The following SALL3 variants were observed in gnomAD, a reference collection of about 807,000 sequenced individuals.
The protein encoded by SALL3 is sal-like protein 3.
A neutral mutation model predicts 66.2 loss-of-function variants in SALL3; 25 were observed. The ratio of observed to expected loss-of-function variants is 0.38; its 90% CI spans 0.28 to 0.53. The LOEUF is 0.53. SALL3 is among the 20% of genes least tolerant of loss of function. The pLI is 0.85. For missense variants in SALL3, 2,194 were observed against 1,916.5 expected, an observed-to-expected ratio of 1.14 and a Z score of -2.70; for synonymous variants, 1,152 against 899.1, an observed-to-expected ratio of 1.28 and a Z score of -5.03.
rs776485395 is a variant in SALL3 at position 78,994,324 on chromosome 18, C to T, written c.2333C>T (p.Ala778Val). Residue 778 changes from alanine to valine, a missense_variant, in exon 2 of 3, where the codon GCC becomes GTC. Transcript: ENST00000537592. Reference protein sequence around the residue: ...NTPLPEGFQDAMDSELAYDDK... With the variant: ...NTPLPEGFQDVMDSELAYDDK... Reference sequence around the variant, plus strand: ...CCGCTGCCGGAGGGCTTCCAGGATGCCATGGACTCCGAGCTGGCCTACGAC... The same window carrying T: ...CCGCTGCCGGAGGGCTTCCAGGATGTCATGGACTCCGAGCTGGCCTACGAC... The T allele has an allele frequency of 1.2e-6, 2 of 1,613,626 alleles. No individual in the cohort carries two copies. Among genetic ancestry groups the T allele is most frequent in the Non-Finnish European group, 1.7e-6 (2 of 1,180,022 alleles).
chr18:78,992,220 C>T lies in SALL3; in HGVS notation c.229C>T (p.Pro77Ser), dbSNP rs1385401700. Residue 77 changes from proline (P) to serine (S), a missense_variant, in exon 2 of 3, where the codon CCG becomes TCG. Coordinates refer to ENST00000537592, the MANE Select transcript of SALL3 (RefSeq NM_171999.4). ...LEHQRSCTKL[P>S]PVLIVHEDAP... ...GCACCAGCGGAGCTGCACCAAGCTCCCGCCCGTGCTGATCGTGCACGAGGA... is the reference window on the plus strand; with the variant it reads ...GCACCAGCGGAGCTGCACCAAGCTCTCGCCCGTGCTGATCGTGCACGAGGA... 7 of 1,606,936 alleles carry T rather than the reference C, an allele frequency of 4.4e-6. No individual in the cohort carries two copies. The Admixed American group carries it at 6.7e-5, about 15-fold the overall frequency.
In SALL3 at chr18:78,997,442, C is replaced by T. The variant is rs1000736918; in HGVS notation, c.*120C>T. 6 of 1,030,516 alleles carry T rather than the reference C, an allele frequency of 5.8e-6. No individual in the cohort carries two copies. The highest frequency in any genetic ancestry group is 2.4e-5 in the Admixed American group (1 of 42,178). 63.8% of individuals were successfully genotyped at this position (1,030,516 alleles called of 1,614,324 possible). A position where few individuals can be genotyped will look rare whatever the true frequency, so the allele number is the denominator to read the frequency against. On this transcript the variant is annotated 3_prime_UTR_variant, in exon 3 of 3. Transcript: ENST00000537592. ...CACCCATAGCAGAAAACACTTTGTG[C>T]GGCTGCCGAGAGGTGGTCTTGTAAG...
intron 1 of SALL3, among the ~76,000 whole-genome samples, chr18:78,983,965 CAG>C (rs958195559): frequency 1.3e-5 from 2 of 152,052 alleles, no homozygotes; most frequent in Non-Finnish European, 2.9e-5. Flanking sequence ...TCCCAGCTTG[CAG>C]AGAGAGAGAG....
chr18:78,981,742 A>C (rs542461559), intron 1 of SALL3, among the ~76,000 whole-genome samples: 1 of 152,208 alleles, frequency 6.6e-6, no homozygotes. Flanking sequence ...ATTAAGGACA[A>C]AGAATCTTTT....
At chr18:78,996,670 G>A (rs888887054) in intron 2 of SALL3, among the ~76,000 whole-genome samples, 4 of 152,166 alleles carry the variant, frequency 2.6e-5, no homozygotes, top group Non-Finnish European at 5.9e-5. Context: ...CTGAAAGACC[G>A]CACTCATTAA....
chr18:78,995,372 C>A lies in SALL3; in HGVS notation c.3381C>A (p.Ala1127=). 1 of 1,583,104 alleles carries A rather than the reference C, an allele frequency of 6.3e-7. No homozygotes were observed. Among genetic ancestry groups the A allele is most frequent in the Non-Finnish European group, 8.5e-7 (1 of 1,172,536 alleles). ...SCGKTFSSAS[A]LQIHERTHTG... ...GGAAGACCTTCTCCTCGGCCAGCGC[C>A]CTGCAGATCCATGAGCGCACGCACA... is the stretch of plus-strand genomic sequence containing the variant. Residue 1127 remains alanine, a synonymous_variant, in exon 2 of 3, where the codon GCC becomes GCA. Coordinates refer to ENST00000537592, the MANE Select transcript of SALL3 (RefSeq NM_171999.4).
At position 78,992,834 on chromosome 18, in the gene SALL3, C is replaced by A. The variant is rs1914503077; in HGVS notation, c.843C>A (p.Ala281=). The part of the protein sequence containing the change: ...PAAAIAGSGP[A]APAAFEGAQP... ...CCGCCATCGCGGGCTCGGGCCCCGCCGCCCCGGCCGCCTTCGAGGGCGCGC... is the reference window on the plus strand; with the variant it reads ...CCGCCATCGCGGGCTCGGGCCCCGCAGCCCCGGCCGCCTTCGAGGGCGCGC... The change falls in exon 2 of 3, where the codon GCC becomes GCA. Residue 281 remains alanine (A), a synonymous_variant. Coordinates refer to ENST00000537592, the MANE Select transcript of SALL3 (RefSeq NM_171999.4). 6.1e-6 allele frequency: 6 copies of A among 980,156 alleles called. No homozygotes were observed. The highest frequency in any genetic ancestry group is 7.2e-6 in the Non-Finnish European group (6 of 828,166). The allele number at this position is 980,156 out of a possible 1,614,324, so 60.7% of individuals were successfully genotyped here.
chr18:78,980,443 C>G, intron 1 of SALL3, 87 bp downstream of exon 1: 1 of 794,250 alleles, frequency 1.3e-6, no homozygotes, highest in Non-Finnish European at 1.7e-6. Flanking sequence ...CGGATGCGCG[C>G]GTCCGGGAGC....
rs576440566 is a variant in SALL3, at chr18:78,998,926, A to G, written c.*1604A>G. The G allele has an allele frequency of 1.3e-5, 2 of 152,334 alleles. No homozygotes were observed. Among genetic ancestry groups the G allele is most frequent in the East Asian group, 3.9e-4 (2 of 5,176 alleles). The allele number at this position is 152,334 out of a possible 1,614,324, so 9.4% of individuals were successfully genotyped here. On this transcript the variant is annotated 3_prime_UTR_variant, in exon 3 of 3. Coordinates refer to ENST00000537592, the MANE Select transcript of SALL3 (RefSeq NM_171999.4). ...AACTACCTCATTTTCGTGCGTTGCA[A>G]GTGTGCTGGCGTCTGACACTATGAA...
intron 1 of SALL3, among the ~76,000 whole-genome samples, chr18:78,987,276 C>T (rs949067740): frequency 2.6e-5 from 4 of 152,116 alleles, no homozygotes; most frequent in East Asian, 3.8e-4. Context: ...TAAAGCTGAG[C>T]GAAGACCAAA....
rs923380206 is a variant in SALL3 at position 78,991,918 on chromosome 18, A to G, written c.83-156A>G. On this transcript the variant is annotated intron_variant, in intron 1 of 2. Transcript: ENST00000537592. ...GATTGGGCTAAGAAAATGATTAGCT[A>G]GCTAGAAAGAGTCATAGAATACGCA... is the stretch of plus-strand genomic sequence containing the variant. 7.7e-6 allele frequency: 4 copies of G among 518,102 alleles called. No homozygotes were observed. The East Asian group carries it at 1.0e-4, about 13-fold the overall frequency. 32.1% of individuals were successfully genotyped at this position (518,102 alleles called of 1,614,324 possible). A position where few individuals can be genotyped will look rare whatever the true frequency, so the allele number is the denominator to read the frequency against.
chr18:78,989,571 C>A (rs773143250), intron 1 of SALL3, among the ~76,000 whole-genome samples: 1 of 152,200 alleles, frequency 6.6e-6, no homozygotes, highest in Non-Finnish European at 1.5e-5. Context: ...GTCCCTAATA[C>A]ACATTCCCTA....
chr18:78,981,184 G>A (rs1475848629), intron 1 of SALL3, among the ~76,000 whole-genome samples: 3 of 152,220 alleles, frequency 2.0e-5, no homozygotes, highest in African/African-American at 7.2e-5. Flanking sequence ...GCAAAGGGCT[G>A]GACTTCCCAG....
chr18:78,980,382 CG>C lies in SALL3; in HGVS notation c.82+32del, dbSNP rs897530008. ...GTGAGGGCCGGGGCTGCGGGGTGGC[CG>C]GGGGGTCTGGGGCTGCCCGTCCGGG... On this transcript the variant is annotated intron_variant, in intron 1 of 2. Coordinates refer to ENST00000537592, the MANE Select transcript of SALL3 (RefSeq NM_171999.4). The C allele has an allele frequency of 1.2e-4, 164 of 1,367,958 alleles. No individual in the cohort carries two copies. In the Admixed American group the frequency reaches 1.5e-3, roughly 13 times the overall value. 84.7% of individuals were successfully genotyped at this position (1,367,958 alleles called of 1,614,324 possible).
intron 1 of SALL3, among the ~76,000 whole-genome samples, chr18:78,988,474 T>C (rs987325078): frequency 6.6e-6 from 1 of 152,252 alleles, no homozygotes; most frequent in Non-Finnish European, 1.5e-5. Context: ...AAAATGTCTT[T>C]CTAGTTCTCA....
At chr18:78,980,889 C>T (rs1599170223) in intron 1 of SALL3, among the ~76,000 whole-genome samples, 3 of 152,298 alleles carry the variant, frequency 2.0e-5, no homozygotes, top group South Asian at 4.1e-4. Context: ...CCTGTGATCC[C>T]TCGCGAGGCG....
intron 1 of SALL3, 124 bp from the exon 2 acceptor site, chr18:78,991,950 G>A (rs555856526): frequency 1.4e-6 from 1 of 724,220 alleles, no homozygotes; most frequent in Non-Finnish European, 2.1e-6. Flanking sequence ...CGCACGCTGG[G>A]ACGTCAGAAA....
chr18:78,981,564 G>A (rs1330214707), intron 1 of SALL3, among the ~76,000 whole-genome samples: 1 of 152,218 alleles, frequency 6.6e-6, no homozygotes, highest in Non-Finnish European at 1.5e-5. Context: ...GAGAACGAGA[G>A]AGCATGCTTA....
chr18:78,987,444 C>A (rs1000347523), intron 1 of SALL3, among the ~76,000 whole-genome samples: 1 of 152,078 alleles, frequency 6.6e-6, no homozygotes, highest in Non-Finnish European at 1.5e-5. Flanking sequence ...TAGAGGTTTT[C>A]TCTGAAAGGC....
Sources: allele counts gnomAD v4.1 joint callset (sites outside exome capture counted in the v4.1 genomes callset), GRCh38; gene constraint gnomAD v4.1.1; transcripts MANE v1.5; gene names NCBI Gene and HGNC (gene_info 2026-07-23, HGNC 2026-07-21).